The following GALNT13 variants were observed in gnomAD, a reference collection of about 807,000 sequenced individuals.
GALNT13 encodes UDP-GalNAc:polypeptide N-acetylgalactosaminyltransferase 13.
GALNT13 carries 28 observed loss-of-function variants against 64.2 expected under a neutral mutation model. The observed-to-expected ratio is 0.44, with a 90% CI of 0.32 to 0.60. The LOEUF is 0.60. GALNT13 is among the 20% of genes least tolerant of loss of function. The probability of loss-of-function intolerance (pLI) is 0.05; values close to 1 mark genes in which losing one functional copy is unlikely to be tolerated. For synonymous variants in GALNT13, 214 were observed against 224.6 expected, an observed-to-expected ratio of 0.95 and a Z score of 0.42; for missense variants, 577 against 669.8, an observed-to-expected ratio of 0.86 and a Z score of 1.53.
the GALNT13 span, among the ~76,000 whole-genome samples, chr2:153,461,999 G>C: frequency 6.6e-6 from 1 of 152,142 alleles, no homozygotes; most frequent in African/African-American, 2.4e-5. Flanking sequence ...AGTAAAATTT[G>C]TATCTGCTGC....
intron 3 of GALNT13, among the ~76,000 whole-genome samples, chr2:154,007,103 T>C (rs932559136): frequency 2.0e-5 from 3 of 152,184 alleles, no homozygotes; most frequent in African/African-American, 7.2e-5. Flanking sequence ...AAGGAGTGAC[T>C]GAGACATTGC....
the GALNT13 span, among the ~76,000 whole-genome samples, chr2:153,834,632 G>T: frequency 6.6e-6 from 1 of 152,078 alleles, no homozygotes; most frequent in South Asian, 2.1e-4. Flanking sequence ...CTTTAGTGGA[G>T]GGGAGGCAAG....
chr2:153,542,359 CAA>C, the GALNT13 span, among the ~76,000 whole-genome samples: 1 of 55,612 alleles, frequency 1.8e-5, no homozygotes, highest in South Asian at 7.9e-4. Context: ...CACACACACA[CAA>C]AAAAAAAACC....
the GALNT13 span, among the ~76,000 whole-genome samples, chr2:153,297,597 T>C: frequency 1.3e-5 from 2 of 152,206 alleles, no homozygotes; most frequent in Non-Finnish European, 2.9e-5. Context: ...ATGATAAGTG[T>C]GAACATTTAG....
At chr2:153,292,297 A>G in the GALNT13 span, among the ~76,000 whole-genome samples, 120 of 110,918 alleles carry the variant, frequency 1.1e-3, no homozygotes, top group African/African-American at 3.5e-3. Context: ...AAGAAAGGGT[A>G]ACTTATCTGT....
At chr2:153,650,570 T>C in the GALNT13 span, among the ~76,000 whole-genome samples, 4 of 152,338 alleles carry the variant, frequency 2.6e-5, no homozygotes, top group South Asian at 8.3e-4. Flanking sequence ...TGATGGTCTT[T>C]ACAATTTGGC....
At chr2:153,666,123 C>T in the GALNT13 span, among the ~76,000 whole-genome samples, 2 of 152,088 alleles carry the variant, frequency 1.3e-5, no homozygotes, top group Non-Finnish European at 2.9e-5. Context: ...CATTACCCAA[C>T]CAGGGTGCTT....
chr2:154,198,914 A>G (rs753963432), intron 4 of GALNT13, among the ~76,000 whole-genome samples: 11 of 151,968 alleles, frequency 7.2e-5, no homozygotes, highest in Non-Finnish European at 1.5e-4. Flanking sequence ...TTATAAATAT[A>G]TCAGAAAAAG....
At chr2:153,674,882 C>T in the GALNT13 span, among the ~76,000 whole-genome samples, 10 of 151,868 alleles carry the variant, frequency 6.6e-5, no homozygotes, top group Admixed American at 1.3e-4. Context: ...AAAAATTGAG[C>T]GAAGGATATG....
At chr2:153,856,144 TGTG>T in the GALNT13 span, among the ~76,000 whole-genome samples, 5 of 152,240 alleles carry the variant, frequency 3.3e-5, no homozygotes, top group African/African-American at 4.8e-5. Flanking sequence ...TAGACATAGT[TGTG>T]GTGATGGTTA....
At chr2:153,724,955 G>A in the GALNT13 span, among the ~76,000 whole-genome samples, 5 of 151,224 alleles carry the variant, frequency 3.3e-5, no homozygotes, top group Admixed American at 3.3e-4. Context: ...CCCATTACTG[G>A]GTATATACCC....
the GALNT13 span, among the ~76,000 whole-genome samples, chr2:153,845,536 A>G: frequency 3.9e-5 from 6 of 152,190 alleles, no homozygotes; most frequent in African/African-American, 1.4e-4. Flanking sequence ...TGTCCCCATG[A>G]TCCAAACACC....
At chr2:154,153,649 C>G (rs1443999695) in intron 4 of GALNT13, among the ~76,000 whole-genome samples, 2 of 152,204 alleles carry the variant, frequency 1.3e-5, no homozygotes, top group Non-Finnish European at 2.9e-5. Flanking sequence ...GCGCCCCTCT[C>G]CCAGCCTGGC....
At chr2:154,327,476 A>G in intron 9 of GALNT13, among the ~76,000 whole-genome samples, 1 of 152,138 alleles carries the variant, frequency 6.6e-6, no homozygotes, top group East Asian at 1.9e-4. Context: ...AGGTTAACAC[A>G]GGTTTGGTGA....
chr2:153,707,411 G>A, the GALNT13 span, among the ~76,000 whole-genome samples: 1 of 152,134 alleles, frequency 6.6e-6, no homozygotes, highest in Non-Finnish European at 1.5e-5. Flanking sequence ...TGGTTGCTAT[G>A]AAACATCCAT....
chr2:153,614,111 G>C, the GALNT13 span, among the ~76,000 whole-genome samples: 2 of 151,978 alleles, frequency 1.3e-5, no homozygotes, highest in African/African-American at 4.8e-5. Flanking sequence ...TCTAGGTAGA[G>C]GTGAGTTATA....
chr2:153,491,594 ATATTTATTTATT>A, the GALNT13 span, among the ~76,000 whole-genome samples: 274 of 145,448 alleles, frequency 1.9e-3, no homozygotes, highest in African/African-American at 5.1e-3. Flanking sequence ...AAACCATATT[ATATTTATTTATT>A]TATTTATTTA....
chr2:153,213,077 G>A, the GALNT13 span, among the ~76,000 whole-genome samples: 1 of 152,176 alleles, frequency 6.6e-6, no homozygotes, highest in Non-Finnish European at 1.5e-5. Context: ...ACCTACTATG[G>A]TCAAGAACTG....
At chr2:153,525,850 G>C in the GALNT13 span, among the ~76,000 whole-genome samples, 1 of 152,140 alleles carries the variant, frequency 6.6e-6, no homozygotes, top group African/African-American at 2.4e-5. Context: ...CCAGGCCAGA[G>C]AGCATTCACC....
Sources: gnomAD v4.1 joint callset for allele counts (sites outside exome capture counted in the v4.1 genomes callset) on GRCh38, gnomAD v4.1.1 for gene constraint, MANE v1.5 for transcripts, NCBI Gene and HGNC (gene_info 2026-07-23, HGNC 2026-07-21) for gene names.